Variants in RSPRY1 observed in about 807,000 individuals in gnomAD.
RSPRY1 encodes RING finger and SPRY domain-containing protein 1.
A neutral mutation model predicts 73.1 loss-of-function variants in RSPRY1; 23 were observed. The observed-to-expected ratio is 0.31, with a 90% CI of 0.23 to 0.45. The LOEUF (loss-of-function observed/expected upper bound fraction) is 0.45. Among genes scored for constraint, RSPRY1 ranks in the 20% least tolerant of loss-of-function variants. RSPRY1 has a pLI of 1.00. For synonymous variants in RSPRY1, 226 were observed against 251.4 expected (o/e 0.90, Z 0.95); for missense variants, 448 against 698.7 (o/e 0.64, Z 4.05).
At position 57,190,885 on chromosome 16, in the gene RSPRY1, C is replaced by G. The variant is rs117574240; in HGVS notation, c.-156+4434C>G. On this transcript the variant is annotated intron_variant, in intron 1 of 14. Transcript: ENST00000394420. ...ATGTGTGGTATATACAAGGTTAAATCAGGAAAAGTTATCTTATAAATAGTG... is the reference window on the plus strand; with the variant it reads ...ATGTGTGGTATATACAAGGTTAAATGAGGAAAAGTTATCTTATAAATAGTG... 5.4e-3 allele frequency among the ~76,000 whole-genome samples: 825 copies of G among 152,282 alleles called. 7 individuals are homozygous for G. Among genetic ancestry groups the G allele is most frequent in the Non-Finnish European group, 0.01 (686 of 68,010 alleles).
intron 1 of RSPRY1, among the ~76,000 whole-genome samples, chr16:57,199,212 C>T (rs372069179): frequency 6.6e-6 from 1 of 152,100 alleles, no homozygotes; most frequent in African/African-American, 2.4e-5. Context: ...AAAGAAAAAG[C>T]GGCTGGGCGC....
chr16:57,212,893 T>C, intron 4 of RSPRY1, 79 bp from the exon 5 acceptor site: 15 of 1,496,506 alleles, frequency 1.0e-5, no homozygotes, highest in Non-Finnish European at 1.4e-5. Context: ...TTATAGCTTT[T>C]GTCTCAAAAA....
chr16:57,213,542 T>G lies in RSPRY1; in HGVS notation c.644-346T>G, dbSNP rs980472978. 5.6e-4 allele frequency among the ~76,000 whole-genome samples: 86 copies of G among 152,364 alleles called. 1 individual carries two copies. Among genetic ancestry groups the G allele is most frequent in the Non-Finnish European group, 5.3e-4 (36 of 68,032 alleles). ...CTGAGAAGCAGGTATTTAATTTGTT[T>G]ATGAATGTTACCCATTTTAAGAAAG... On this transcript the variant is annotated intron_variant, in intron 5 of 14. Transcript: ENST00000394420.
intron 1 of RSPRY1, among the ~76,000 whole-genome samples, chr16:57,199,083 G>A (rs2074507618): frequency 6.6e-6 from 1 of 152,204 alleles, no homozygotes; most frequent in African/African-American, 2.4e-5. Context: ...TACAGAGTAT[G>A]AATTTCTGTA....
intron 10 of RSPRY1, among the ~76,000 whole-genome samples, chr16:57,225,266 G>T (rs773322896): frequency 5.9e-5 from 9 of 152,198 alleles, no homozygotes; most frequent in Non-Finnish European, 1.2e-4. Flanking sequence ...TCGCCATGTT[G>T]GCCAGGCTGG....
chr16:57,198,653 C>T (rs1252516239), intron 1 of RSPRY1, among the ~76,000 whole-genome samples: 1 of 151,980 alleles, frequency 6.6e-6, no homozygotes, highest in South Asian at 2.1e-4. Context: ...GATTCCTGTT[C>T]TCTCCCCTTC....
intron 1 of RSPRY1, among the ~76,000 whole-genome samples, chr16:57,191,470 C>T (rs1232150025): frequency 6.6e-6 from 1 of 152,146 alleles, no homozygotes; most frequent in Non-Finnish European, 1.5e-5. Flanking sequence ...CCTGGGAAAC[C>T]TGGCACCAAT....
chr16:57,212,896 C>CT (rs1316630367), intron 4 of RSPRY1, 76 bp from the exon 5 acceptor site: 42 of 1,502,506 alleles, frequency 2.8e-5, no homozygotes, highest in Non-Finnish European at 3.8e-5. Flanking sequence ...TAGCTTTTGT[C>CT]TCAAAAAAAA....
At chr16:57,193,954 T>C (rs1461096941) in intron 1 of RSPRY1, among the ~76,000 whole-genome samples, 2 of 152,080 alleles carry the variant, frequency 1.3e-5, no homozygotes, top group Non-Finnish European at 2.9e-5. Flanking sequence ...TAATCCCAGC[T>C]ACTCAGGAGG....
rs769770614 is a variant in RSPRY1 at position 57,204,672 on chromosome 16, G to A, written c.14G>A (p.Gly5Asp). 4 of 1,613,818 alleles carry A rather than the reference G, an allele frequency of 2.5e-6. No individual in the cohort carries two copies. The South Asian group carries it at 4.4e-5, about 18-fold the overall frequency. The change falls in exon 2 of 15, where the codon GGT (glycine) becomes GAT (aspartate). Residue 5 changes from glycine to aspartate, a missense_variant. Gly to Asp is a moderately conservative substitution (Grantham distance 94). Transcript: ENST00000394420. MIVF[G>D]WAVFLASRSL... ...AAAACTACCTAAATGATCGTCTTTG[G>A]TTGGGCCGTGTTCTTAGCGAGCAGA...
chr16:57,207,270 A>G (rs1446008905), intron 2 of RSPRY1, among the ~76,000 whole-genome samples: 4 of 152,186 alleles, frequency 2.6e-5, no homozygotes, highest in South Asian at 2.1e-4. Flanking sequence ...ACTAATTCCC[A>G]TATCACAAGG....
At chr16:57,203,122 C>A (rs1203747293) in intron 1 of RSPRY1, among the ~76,000 whole-genome samples, 3 of 151,856 alleles carry the variant, frequency 2.0e-5, no homozygotes, top group East Asian at 3.9e-4. Flanking sequence ...CATGGTGAAA[C>A]CCCGTCTCTA....
At chr16:57,194,532 C>A (rs2074405358) in intron 1 of RSPRY1, among the ~76,000 whole-genome samples, 1 of 152,042 alleles carries the variant, frequency 6.6e-6, no homozygotes, top group East Asian at 1.9e-4. Context: ...GGATGTTACA[C>A]ATTTTGCTAT....
intron 1 of RSPRY1, among the ~76,000 whole-genome samples, chr16:57,199,895 G>GTTTTTTTTTTTTTT (rs61132783): frequency 1.9e-5 from 2 of 106,254 alleles, no homozygotes; most frequent in Non-Finnish European, 3.7e-5. Flanking sequence ...TTTTTTGTTT[G>GTTTTTTTTTTTTTT]TTTTTTTTTT....
At chr16:57,212,643 C>T (rs1404959400) in intron 4 of RSPRY1, among the ~76,000 whole-genome samples, 1 of 152,130 alleles carries the variant, frequency 6.6e-6, no homozygotes, top group Non-Finnish European at 1.5e-5. Context: ...GAGACGGAGC[C>T]TTGCTCTGTC....
chr16:57,209,069 T>C lies in RSPRY1; in HGVS notation c.404-6T>C. ...CCATCATATAATCTTCTTGATTTGCTCTTAGATGAAGGATGGTTGGATGTT... is the reference window on the plus strand; with the variant it reads ...CCATCATATAATCTTCTTGATTTGCCCTTAGATGAAGGATGGTTGGATGTT... On this transcript the variant is annotated splice_polypyrimidine_tract_variant and splice_region_variant and intron_variant, in intron 3 of 14. Coordinates refer to ENST00000394420, the MANE Select transcript of RSPRY1 (RefSeq NM_133368.3). 1.9e-6 allele frequency: 3 copies of C among 1,578,664 alleles called. No homozygotes were observed. The highest frequency in any genetic ancestry group is 1.3e-5 in the African/African-American group (1 of 74,242).
intron 8 of RSPRY1, among the ~76,000 whole-genome samples, chr16:57,218,495 C>T (rs2074976592): frequency 6.6e-6 from 1 of 152,054 alleles, no homozygotes; most frequent in Non-Finnish European, 1.5e-5. Flanking sequence ...CCCCCACTAC[C>T]CTTCCCAGCC....
chr16:57,217,302 G>A (rs942697921), intron 8 of RSPRY1, among the ~76,000 whole-genome samples: 12 of 152,062 alleles, frequency 7.9e-5, no homozygotes, highest in African/African-American at 2.9e-4. Flanking sequence ...TAATTATATG[G>A]CACTGTCTAA....
chr16:57,234,007 C>T (rs1296111815), intron 13 of RSPRY1, among the ~76,000 whole-genome samples: 2 of 152,182 alleles, frequency 1.3e-5, no homozygotes, highest in East Asian at 3.9e-4. Context: ...CAGTGCGTGG[C>T]TTCTTATTCA....
Sources: allele counts gnomAD v4.1 joint callset (sites outside exome capture counted in the v4.1 genomes callset), GRCh38; gene constraint gnomAD v4.1.1; transcripts MANE v1.5; gene names NCBI Gene and HGNC (gene_info 2026-07-23, HGNC 2026-07-21).